The following MALRD1 variants were observed in gnomAD, a reference collection of about 807,000 sequenced individuals.
MALRD1 encodes MAM and LDL receptor class A domain containing 1.
A neutral mutation model predicts 242.1 loss-of-function variants in MALRD1; 247 were observed. That is an observed-to-expected ratio of 1.02 (90% confidence interval 0.92 to 1.13). MALRD1 has a LOEUF of 1.13. Among genes scored for constraint, MALRD1 ranks in the 50% most tolerant of loss-of-function variants. The pLI is 0.00. For synonymous variants in MALRD1, 995 were observed against 866.6 expected (o/e 1.15, Z -2.60); for missense variants, 2,989 against 2,533.1 (o/e 1.18, Z -3.86).
In MALRD1 at chr10:19,409,140, C is replaced by T. The variant is rs542738823; in HGVS notation, c.4845+19531C>T. On this transcript the variant is annotated intron_variant, in intron 28 of 39. Coordinates refer to ENST00000454679, the MANE Select transcript of MALRD1 (RefSeq NM_001142308.3). ...TGTGGTACATCCATACCATAGAATA[C>T]CACTCAGCAATGAAAAAGAGCAAAC... Among the ~76,000 whole-genome samples the T allele has an allele frequency of 1.2e-3, 176 of 152,234 alleles. 1 individual carries two copies. The highest frequency in any genetic ancestry group is 4.1e-3 in the African/African-American group (171 of 41,542).
intron 18 of MALRD1, among the ~76,000 whole-genome samples, chr10:19,245,536 C>T (rs1839006982): frequency 6.6e-6 from 1 of 152,046 alleles, no homozygotes; most frequent in African/African-American, 2.4e-5. Context: ...ATTTATATTC[C>T]TAGGACTTTT....
chr10:19,483,213 A>C (rs1263437902), intron 29 of MALRD1, among the ~76,000 whole-genome samples: 2 of 152,178 alleles, frequency 1.3e-5, no homozygotes, highest in East Asian at 3.9e-4. Flanking sequence ...CTAGAAAAAA[A>C]AAAAACCTAG....
At chr10:19,289,448 T>C (rs1841298666) in intron 21 of MALRD1, among the ~76,000 whole-genome samples, 5 of 152,198 alleles carry the variant, frequency 3.3e-5, no homozygotes, top group Admixed American at 2.6e-4. Context: ...TGTTTTATAA[T>C]TATAGGCTAC....
chr10:19,162,281 CCT>C (rs1564432799), intron 12 of MALRD1, among the ~76,000 whole-genome samples: 2 of 146,634 alleles, frequency 1.4e-5, no homozygotes, highest in Admixed American at 7.1e-5. Flanking sequence ...TATCTTTCTT[CCT>C]CTCTTTCCTC....
intron 29 of MALRD1, among the ~76,000 whole-genome samples, chr10:19,490,438 C>G (rs559139133): frequency 5.6e-5 from 8 of 142,092 alleles, no homozygotes; most frequent in African/African-American, 2.1e-4. Flanking sequence ...GCATACCTCT[C>G]GTTAAAACTG....
At chr10:19,492,535 A>G (rs1837537941) in intron 30 of MALRD1, among the ~76,000 whole-genome samples, 1 of 152,188 alleles carries the variant, frequency 6.6e-6, no homozygotes, top group African/African-American at 2.4e-5. Flanking sequence ...TCTCTGTCTT[A>G]CTAGAGATGG....
chr10:19,226,852 C>T (rs538145829), intron 18 of MALRD1, among the ~76,000 whole-genome samples: 12 of 152,006 alleles, frequency 7.9e-5, no homozygotes, highest in Middle Eastern at 3.4e-3. Context: ...TAAATAAAAT[C>T]AATTGTGTTT....
chr10:19,197,476 A>G (rs1408705872), intron 14 of MALRD1, among the ~76,000 whole-genome samples: 4 of 152,156 alleles, frequency 2.6e-5, no homozygotes, highest in Admixed American at 2.0e-4. Context: ...TGTCTAATAT[A>G]ATATCTTCTT....
intron 36 of MALRD1, among the ~76,000 whole-genome samples, chr10:19,651,166 C>G: frequency 6.6e-6 from 1 of 152,182 alleles, no homozygotes. Context: ...AATTTAGTTA[C>G]TATCTTAGTT....
At chr10:19,539,903 C>T (rs61235995) in intron 32 of MALRD1, among the ~76,000 whole-genome samples, 4,104 of 47,186 alleles carry the variant, frequency 0.087, 115 homozygotes, top group Middle Eastern at 0.13. Flanking sequence ...TGTGTGCGCG[C>T]GCGCGTGCGC....
intron 36 of MALRD1, among the ~76,000 whole-genome samples, chr10:19,690,110 T>C (rs1200489404): frequency 6.6e-6 from 1 of 152,060 alleles, no homozygotes; most frequent in Non-Finnish European, 1.5e-5. Context: ...TTCTCTAAAA[T>C]CTTTTTTTGT....
rs765798917 is a variant in MALRD1 at position 19,272,668 on chromosome 10, T to C, written c.3080-7379T>C. 2.0e-5 allele frequency among the ~76,000 whole-genome samples: 3 copies of C among 152,178 alleles called. No individual in the cohort carries two copies. The East Asian group carries it at 5.8e-4, about 29-fold the overall frequency. On this transcript the variant is annotated intron_variant, in intron 19 of 39. Coordinates refer to ENST00000454679, the MANE Select transcript of MALRD1 (RefSeq NM_001142308.3). The stretch of plus-strand genomic sequence containing the variant: ...TGCATGCATTAGGTATTTGTCCTAA[T>C]GCTATCCCTCCCCTTGCCCTCCACC...
intron 29 of MALRD1, among the ~76,000 whole-genome samples, chr10:19,456,180 T>A (rs1465384376): frequency 6.6e-6 from 1 of 152,138 alleles, no homozygotes; most frequent in Non-Finnish European, 1.5e-5. Flanking sequence ...CATTCATACA[T>A]AGCAAAACAC....
intron 35 of MALRD1, among the ~76,000 whole-genome samples, chr10:19,614,909 G>C (rs1839071051): frequency 1.3e-5 from 2 of 151,986 alleles, no homozygotes; most frequent in African/African-American, 4.8e-5. Flanking sequence ...TGTAGAACTA[G>C]AGAAATATTT....
intron 18 of MALRD1, among the ~76,000 whole-genome samples, chr10:19,235,052 GC>G (rs1285658114): frequency 5.3e-5 from 8 of 152,246 alleles, no homozygotes; most frequent in Admixed American, 1.3e-4. Flanking sequence ...GTCAGAGAGG[GC>G]TAGACCAGTA....
intron 28 of MALRD1, 148 bp from the exon 29 acceptor site, chr10:19,450,159 G>A (rs1460111477): frequency 1.4e-6 from 1 of 698,858 alleles, no homozygotes; most frequent in African/African-American, 1.8e-5. Context: ...CAATTTGTAA[G>A]ATCACCTTTC....
At chr10:19,731,492 TTGTGTGTG>T (rs199973822) in intron 39 of MALRD1, among the ~76,000 whole-genome samples, 1 of 146,900 alleles carries the variant, frequency 6.8e-6, no homozygotes, top group East Asian at 2.0e-4. Context: ...ATAGTTTACT[TTGTGTGTG>T]TGTGTGTGTG....
chr10:19,574,018 G>C (rs548339237), intron 33 of MALRD1, among the ~76,000 whole-genome samples: 114 of 152,254 alleles, frequency 7.5e-4, no homozygotes, highest in Admixed American at 1.7e-3. Context: ...TTTTTGTCTT[G>C]ACTTGATAAA....
At chr10:19,230,373 C>G (rs769738329) in intron 18 of MALRD1, among the ~76,000 whole-genome samples, 3 of 150,422 alleles carry the variant, frequency 2.0e-5, no homozygotes, top group African/African-American at 7.5e-5. Context: ...AAGCATAGTA[C>G]TGGCACCTGC....
Sources: gnomAD v4.1 joint callset for allele counts (sites outside exome capture counted in the v4.1 genomes callset) on GRCh38, gnomAD v4.1.1 for gene constraint, MANE v1.5 for transcripts, NCBI Gene and HGNC (gene_info 2026-07-23, HGNC 2026-07-21) for gene names.